Variants in WSCD2 observed in about 807,000 individuals in gnomAD.
The protein encoded by WSCD2 is sialate:O-sulfotransferase 2.
Under a neutral mutation model 55.7 loss-of-function variants are expected in WSCD2, and 28 were observed. The observed-to-expected ratio is 0.50, with a 90% CI of 0.37 to 0.69. WSCD2 has a LOEUF of 0.69. Ranked by LOEUF, WSCD2 falls within the 30% of genes least tolerant of loss-of-function variation. The pLI, the probability that WSCD2 is intolerant of heterozygous loss-of-function variation, is 0.00. For synonymous variants in WSCD2, 301 were observed against 301.9 expected, an observed-to-expected ratio of 1.00 and a Z score of 0.03; for missense variants, 616 against 762.1, an observed-to-expected ratio of 0.81 and a Z score of 2.26.
At chr12:108,235,203 T>A (rs1017853596) in intron 7 of WSCD2, among the ~76,000 whole-genome samples, 4 of 152,188 alleles carry the variant, frequency 2.6e-5, no homozygotes, top group Non-Finnish European at 4.4e-5. Context: ...ACTCAAAGAT[T>A]TTCCAAAAAA....
chr12:108,139,674 G>A (rs1315896486), intron 1 of WSCD2, among the ~76,000 whole-genome samples: 1 of 152,164 alleles, frequency 6.6e-6, no homozygotes, highest in African/African-American at 2.4e-5. Flanking sequence ...GGGTTGCTAT[G>A]AGTGTTTTAT....
At position 108,248,316 on chromosome 12, in the gene WSCD2, T is replaced by C; in HGVS notation, c.1671T>C (p.Gly557=). ...DAALKGRNLT[G]VPDDYYPR The stretch of plus-strand genomic sequence containing the variant: ...CCCTCAAAGGGCGGAACCTAACGGG[T>C]GTCCCCGATGACTACTACCCAAGAT... The change falls in exon 9 of 9, where the codon GGT becomes GGC. Residue 557 remains glycine, a synonymous_variant. Transcript: ENST00000547525. This position sits in a 1 kb window ranked among gnomAD's most constrained non-coding sequence, Gnocchi z 4.3. 2 of 1,613,648 alleles carry C rather than the reference T, an allele frequency of 1.2e-6. No homozygotes were observed. The highest frequency in any genetic ancestry group is 1.7e-5 in the Admixed American group (1 of 60,018).
intron 7 of WSCD2, among the ~76,000 whole-genome samples, chr12:108,236,566 TTC>T (rs914223641): frequency 5.4e-5 from 8 of 147,844 alleles, no homozygotes; most frequent in South Asian, 2.2e-4. Context: ...CTGGCGCTCT[TTC>T]TCTCTCTCTC....
At position 108,200,897 on chromosome 12, in the gene WSCD2, C is replaced by T. The variant is rs148159651; in HGVS notation, c.382+4683C>T. 2.8e-3 allele frequency among the ~76,000 whole-genome samples: 429 copies of T among 152,206 alleles called. 1 individual carries two copies. The highest frequency in any genetic ancestry group is 9.4e-3 in the African/African-American group (392 of 41,522). On this transcript the variant is annotated intron_variant, in intron 2 of 8. Transcript: ENST00000547525. ...AGATATGAGCAGGAAATTCCATCGC[C>T]GGTACAAGGAAACCCAGGCAGCACT...
At chr12:108,215,757 C>T (rs369872124) in intron 4 of WSCD2, among the ~76,000 whole-genome samples, 4 of 152,180 alleles carry the variant, frequency 2.6e-5, no homozygotes, top group Non-Finnish European at 4.4e-5. Flanking sequence ...AACTCTTCCA[C>T]GGCTGCCTCT....
intron 1 of WSCD2, among the ~76,000 whole-genome samples, chr12:108,177,807 G>A (rs548161548): frequency 2.8e-4 from 43 of 152,254 alleles, no homozygotes; most frequent in African/African-American, 1.0e-3. Context: ...TATGGTGATA[G>A]AAGTTAGAAA....
At chr12:108,143,753 C>T (rs1476118452) in intron 1 of WSCD2, among the ~76,000 whole-genome samples, 3 of 152,150 alleles carry the variant, frequency 2.0e-5, no homozygotes, top group Admixed American at 1.3e-4. Context: ...CCCACTAAAC[C>T]CTGTGTAGCC....
chr12:108,221,390 A>G (rs1163182039), intron 4 of WSCD2, among the ~76,000 whole-genome samples: 1 of 152,072 alleles, frequency 6.6e-6, no homozygotes, highest in African/African-American at 2.4e-5. Flanking sequence ...CCCCATCTCT[A>G]CTAAAAATAC....
intron 1 of WSCD2, among the ~76,000 whole-genome samples, chr12:108,135,348 G>A (rs1876078447): frequency 6.6e-6 from 1 of 152,212 alleles, no homozygotes; most frequent in Non-Finnish European, 1.5e-5. Flanking sequence ...CCTGGGTTAT[G>A]GAGGCAGATG....
At chr12:108,134,108 G>T (rs1173178917) in intron 1 of WSCD2, among the ~76,000 whole-genome samples, 1 of 152,178 alleles carries the variant, frequency 6.6e-6, no homozygotes, top group African/African-American at 2.4e-5. Flanking sequence ...TTGCCCAAGA[G>T]CTGATGAGGC....
chr12:108,140,698 A>G (rs1265411692), intron 1 of WSCD2, among the ~76,000 whole-genome samples: 1 of 152,082 alleles, frequency 6.6e-6, no homozygotes, highest in African/African-American at 2.4e-5. Context: ...TCCCCCAGCC[A>G]GGGGCCTTTC....
Position 108,210,344 on chromosome 12 carries a change from C to T in WSCD2, c.682+39C>T. Reference sequence around the variant, plus strand: ...CCCTGCCCCTCTCTGCTGCTCCTCCCTCAGCTGCAGCCCTTGCCCACCAAA... The same window carrying T: ...CCCTGCCCCTCTCTGCTGCTCCTCCTTCAGCTGCAGCCCTTGCCCACCAAA... On this transcript the variant is annotated intron_variant, in intron 4 of 8. Transcript: ENST00000547525. This position sits in a 1 kb window ranked among gnomAD's most constrained non-coding sequence, Gnocchi z 4.3. The T allele has an allele frequency of 6.5e-7, 1 of 1,529,694 alleles. No homozygotes were observed. The allele number at this position is 1,529,694 out of a possible 1,614,324, so 94.8% of individuals were successfully genotyped here.
At chr12:108,190,188 T>C (rs1882985549) in intron 1 of WSCD2, among the ~76,000 whole-genome samples, 1 of 152,194 alleles carries the variant, frequency 6.6e-6, no homozygotes, top group Admixed American at 6.5e-5. Context: ...GACTGGCATA[T>C]AGTATGCGCT....
In WSCD2 at chr12:108,210,148, C is replaced by T. The variant is rs772686869; in HGVS notation, c.525C>T (p.Phe175=). 1.6e-5 allele frequency: 26 copies of T among 1,614,096 alleles called. No individual in the cohort carries two copies. Among genetic ancestry groups the T allele is most frequent in the East Asian group, 2.2e-5 (1 of 44,878 alleles). Reference sequence around the variant, plus strand: ...GTTACCTGTATGGCGGGCTGGAGTTCGGCGCCGAGTGCTACTGCGGCCACA... The same window carrying T: ...GTTACCTGTATGGCGGGCTGGAGTTTGGCGCCGAGTGCTACTGCGGCCACA... ...ERGYLYGGLE[F]GAECYCGHKI... Residue 175 remains phenylalanine, a synonymous_variant, in exon 4 of 9, where the codon TTC becomes TTT. Coordinates refer to ENST00000547525, the MANE Select transcript of WSCD2 (RefSeq NM_014653.4). This position sits in a 1 kb window ranked among gnomAD's most constrained non-coding sequence, Gnocchi z 4.3.
intron 2 of WSCD2, among the ~76,000 whole-genome samples, chr12:108,201,381 A>G (rs761303045): frequency 6.6e-6 from 1 of 152,172 alleles, no homozygotes; most frequent in African/African-American, 2.4e-5. Context: ...GACACCAGTC[A>G]TACTGGATTG....
intron 6 of WSCD2, among the ~76,000 whole-genome samples, chr12:108,230,988 A>G (rs1184796529): frequency 2.0e-5 from 3 of 152,124 alleles, no homozygotes; most frequent in African/African-American, 7.2e-5. Context: ...CTCTTTCTAA[A>G]CGAGGGAGCT....
At chr12:108,175,985 A>G (rs1342933594) in intron 1 of WSCD2, among the ~76,000 whole-genome samples, 1 of 151,700 alleles carries the variant, frequency 6.6e-6, no homozygotes, top group Non-Finnish European at 1.5e-5. Flanking sequence ...GACTACAGGC[A>G]CCCGCCACCA....
At chr12:108,173,836 G>A (rs1187089964) in intron 1 of WSCD2, among the ~76,000 whole-genome samples, 1 of 151,608 alleles carries the variant, frequency 6.6e-6, no homozygotes, top group Non-Finnish European at 1.5e-5. Context: ...GTGTGTGTGT[G>A]TGTGTGTGTG....
At chr12:108,180,131 T>C (rs1810257348) in intron 1 of WSCD2, among the ~76,000 whole-genome samples, 1 of 149,162 alleles carries the variant, frequency 6.7e-6, no homozygotes, top group Non-Finnish European at 1.5e-5. Context: ...ACAAGTAAAA[T>C]TGGGATTGAT....
Sources: allele counts gnomAD v4.1 joint callset (sites outside exome capture counted in the v4.1 genomes callset), GRCh38; gene constraint gnomAD v4.1.1; non-coding constraint Gnocchi (gnomAD v3.1); transcripts MANE v1.5; gene names NCBI Gene and HGNC (gene_info 2026-07-23, HGNC 2026-07-21).